CAMKK2: variants seen among roughly 807,000 people sequenced by gnomAD.
CAMKK2 encodes the protein calcium/calmodulin-dependent protein kinase kinase 2.
A neutral mutation model predicts 67.2 loss-of-function variants in CAMKK2; 30 were observed. The observed-to-expected ratio is 0.45, with a 90% CI of 0.33 to 0.61. CAMKK2 has a LOEUF of 0.61. Ranked by LOEUF, CAMKK2 falls within the 20% of genes least tolerant of loss-of-function variation. CAMKK2 has a pLI of 0.02. For missense variants in CAMKK2, 643 were observed against 802.0 expected, an observed-to-expected ratio of 0.80 and a Z score of 2.39; for synonymous variants, 322 against 326.2, an observed-to-expected ratio of 0.99 and a Z score of 0.14.
rs1389542711 is a variant in CAMKK2, at chr12:121,252,720, A to G, written c.1108-6T>C. On this transcript the variant is annotated splice_region_variant and splice_polypyrimidine_tract_variant and intron_variant, in intron 10 of 16. Coordinates refer to ENST00000404169, the MANE Select transcript of CAMKK2 (RefSeq NM_001270485.2). ...ATGGCCCAAACATCCAAGGCCTGCA[A>G]GAAAAAGAGCTTAGTGTGAGGGCAT... 5.0e-6 allele frequency: 8 copies of G among 1,614,038 alleles called. No individual in the cohort carries two copies. The highest frequency in any genetic ancestry group is 6.8e-6 in the Non-Finnish European group (8 of 1,179,980).
chr12:121,241,270 T>C (rs1218150274), intron 16 of CAMKK2, among the ~76,000 whole-genome samples: 1 of 152,198 alleles, frequency 6.6e-6, no homozygotes, highest in Non-Finnish European at 1.5e-5. Context: ...GAAGGGACTG[T>C]GACGCTTGTC....
Position 121,253,584 on chromosome 12 carries a change from C to A in CAMKK2, c.908-112G>T. 3 of 882,150 alleles carry A rather than the reference C, an allele frequency of 3.4e-6. No homozygotes were observed. The highest frequency in any genetic ancestry group is 2.8e-5 in the South Asian group (2 of 70,276). The allele number at this position is 882,150 out of a possible 1,614,324, so 54.6% of individuals were successfully genotyped here. On this transcript the variant is annotated intron_variant, in intron 9 of 16. Transcript: ENST00000404169. This position sits in a 1 kb window ranked among gnomAD's most constrained non-coding sequence, Gnocchi z 5.0. Reference sequence around the variant, plus strand: ...GCATGGCACCCCTCTGATGCCTTGTCTCCCACAGCCCCAGGCCTTTTCCAA... The same window carrying A: ...GCATGGCACCCCTCTGATGCCTTGTATCCCACAGCCCCAGGCCTTTTCCAA...
chr12:121,279,279 C>G (rs1463697917), intron 1 of CAMKK2, among the ~76,000 whole-genome samples: 1 of 152,174 alleles, frequency 6.6e-6, no homozygotes, highest in African/African-American at 2.4e-5. Flanking sequence ...GCTGGCAGGG[C>G]AAGCGTGAAA....
intron 2 of CAMKK2, among the ~76,000 whole-genome samples, chr12:121,273,430 G>A (rs1229341293): frequency 2.0e-5 from 3 of 152,110 alleles, no homozygotes; most frequent in Non-Finnish European, 4.4e-5. Flanking sequence ...ACAGGGCCCT[G>A]TGAACCCTGG....
At position 121,274,639 on chromosome 12, in the gene CAMKK2, A is replaced by G. The variant is rs1459253958; in HGVS notation, c.-59-54T>C. 3 of 703,768 alleles carry G rather than the reference A, an allele frequency of 4.3e-6. No homozygotes were observed. In the Admixed American group the frequency reaches 8.7e-5, roughly 20 times the overall value. The allele number at this position is 703,768 out of a possible 1,614,324, so 43.6% of individuals were successfully genotyped here. A position where few individuals can be genotyped will look rare whatever the true frequency, so the allele number is the denominator to read the frequency against. Reference sequence around the variant, plus strand: ...CAGCTCCTACGGGCAGGGACAGGAAAGGATCCCCTCTCCTCCTGGCCCAGG... The same window carrying G: ...CAGCTCCTACGGGCAGGGACAGGAAGGGATCCCCTCTCCTCCTGGCCCAGG... On this transcript the variant is annotated intron_variant, in intron 1 of 16. Transcript: ENST00000404169.
chr12:121,239,723 C>T lies in CAMKK2; in HGVS notation c.*976G>A, dbSNP rs202051070. ...AGCTGCTAATATATATACAGGCGGG[C>T]ATAGGTTTCATCGGCTCTAACTGAT... On this transcript the variant is annotated 3_prime_UTR_variant, in exon 17 of 17. Coordinates refer to ENST00000404169, the MANE Select transcript of CAMKK2 (RefSeq NM_001270485.2). 8 of 152,192 alleles carry T rather than the reference C, an allele frequency of 5.3e-5. No individual in the cohort carries two copies. The highest frequency in any genetic ancestry group is 1.9e-4 in the African/African-American group (8 of 41,446). 9.4% of individuals were successfully genotyped at this position (152,192 alleles called of 1,614,324 possible). A position where few individuals can be genotyped will look rare whatever the true frequency, so the allele number is the denominator to read the frequency against.
chr12:121,286,409 C>T (rs1898745565), intron 1 of CAMKK2, among the ~76,000 whole-genome samples: 1 of 152,238 alleles, frequency 6.6e-6, no homozygotes, highest in Non-Finnish European at 1.5e-5. Flanking sequence ...ACACAAGAAT[C>T]GCATTGCTGC....
intron 7 of CAMKK2, among the ~76,000 whole-genome samples, chr12:121,256,177 G>A (rs752300704): frequency 7.9e-5 from 12 of 152,198 alleles, no homozygotes; most frequent in South Asian, 2.1e-4. Flanking sequence ...TCAAGAGCTC[G>A]AGACCAGCCT....
chr12:121,239,470 T>G lies in CAMKK2; in HGVS notation c.*1229A>C, dbSNP rs1887996661. On this transcript the variant is annotated 3_prime_UTR_variant, in exon 17 of 17. Coordinates refer to ENST00000404169, the MANE Select transcript of CAMKK2 (RefSeq NM_001270485.2). ...CCTGGTTTCCTCATACCCCAACGAG[T>G]GCTGTGGGTTTCAACAGTCTTCTCT... The G allele has an allele frequency of 6.6e-6, 1 of 152,074 alleles. No homozygotes were observed. The highest frequency in any genetic ancestry group is 2.1e-4 in the South Asian group (1 of 4,826). 9.4% of individuals were successfully genotyped at this position (152,074 alleles called of 1,614,324 possible). A position where few individuals can be genotyped will look rare whatever the true frequency, so the allele number is the denominator to read the frequency against.
At chr12:121,270,820 G>C in intron 3 of CAMKK2, 78 bp downstream of exon 3, 1 of 1,180,036 alleles carries the variant, frequency 8.5e-7, no homozygotes, top group South Asian at 1.2e-5. Flanking sequence ...CCTGCTCCCA[G>C]CTTTACCCCG....
At chr12:121,280,724 G>C (rs905578551) in intron 1 of CAMKK2, among the ~76,000 whole-genome samples, 4 of 152,064 alleles carry the variant, frequency 2.6e-5, no homozygotes, top group African/African-American at 9.7e-5. Flanking sequence ...ATAGACTCCA[G>C]TCTCCCATAG....
At chr12:121,246,306 G>A (rs1305227445) in intron 14 of CAMKK2, among the ~76,000 whole-genome samples, 1 of 151,964 alleles carries the variant, frequency 6.6e-6, no homozygotes, top group Non-Finnish European at 1.5e-5. Context: ...AGCACTTTGG[G>A]AGGCTGAGGC....
chr12:121,249,656 GGCCCTGGGGC>G (rs1890239493), intron 13 of CAMKK2, 121 bp downstream of exon 13: 9 of 790,966 alleles, frequency 1.1e-5, no homozygotes, highest in Non-Finnish European at 2.0e-5. Context: ...GCAGCTCAGA[GGCCCTGGGGC>G]ATAGGAGAAC....
At chr12:121,280,863 C>G (rs976838674) in intron 1 of CAMKK2, among the ~76,000 whole-genome samples, 1 of 151,918 alleles carries the variant, frequency 6.6e-6, no homozygotes, top group African/African-American at 2.4e-5. Flanking sequence ...CAATGTTGCC[C>G]GAAACTTCAT....
intron 6 of CAMKK2, 90 bp from the exon 7 acceptor site, chr12:121,260,445 G>A (rs761769476): frequency 2.1e-5 from 26 of 1,245,864 alleles, no homozygotes; most frequent in African/African-American, 1.9e-4. Flanking sequence ...CAGCATCCAC[G>A]TGGCTGCGTT....
intron 1 of CAMKK2, among the ~76,000 whole-genome samples, chr12:121,284,522 A>C (rs1898367120): frequency 1.3e-5 from 2 of 152,080 alleles, no homozygotes; most frequent in Admixed American, 6.6e-5. Context: ...ACAGGGTTTC[A>C]CCATGTTGCC....
chr12:121,263,743 G>A (rs749234290), intron 6 of CAMKK2, 63 bp downstream of exon 6: 394 of 1,493,392 alleles, frequency 2.6e-4, no homozygotes, highest in Admixed American at 8.6e-4. Flanking sequence ...AACCAGTGGC[G>A]GGGTGTTTGG....
rs557293304 is a variant in CAMKK2, at chr12:121,255,231, T to A, written c.907+319A>T. ...TTATATATATAATTTTATATATATA[T>A]AATTTTATATATATATAATTATATA... is the stretch of plus-strand genomic sequence containing the variant. On this transcript the variant is annotated intron_variant, in intron 9 of 16. Coordinates refer to ENST00000404169, the MANE Select transcript of CAMKK2 (RefSeq NM_001270485.2). Among the ~76,000 whole-genome samples, 413 of 49,702 alleles carry A rather than the reference T, an allele frequency of 8.3e-3. 5 individuals are homozygous for A. The highest frequency in any genetic ancestry group is 0.013 in the Non-Finnish European group (313 of 24,738). The allele number at this position is 49,702 out of a possible 152,430, so 32.6% of individuals were successfully genotyped here.
Position 121,240,384 on chromosome 12 carries a change from A to C in CAMKK2, c.*315T>G. On this transcript the variant is annotated 3_prime_UTR_variant, in exon 17 of 17. Transcript: ENST00000404169. The surrounding 1 kb of genome is among the most constrained non-coding windows in gnomAD (Gnocchi z 4.4). ...CTTGGTATATCTGACGTGGTTCTGA[A>C]AATCACAATGAAGGATTTTTGGCAT... is the stretch of plus-strand genomic sequence containing the variant. 2 of 1,471,244 alleles carry C rather than the reference A, an allele frequency of 1.4e-6. No individual in the cohort carries two copies. Among genetic ancestry groups the C allele is most frequent in the South Asian group, 2.5e-5 (2 of 80,396 alleles). 91.1% of individuals were successfully genotyped at this position (1,471,244 alleles called of 1,614,324 possible). A position where few individuals can be genotyped will look rare whatever the true frequency, so the allele number is the denominator to read the frequency against.
Sources: gnomAD v4.1 joint callset for allele counts (sites outside exome capture counted in the v4.1 genomes callset) on GRCh38, gnomAD v4.1.1 for gene constraint, Gnocchi (gnomAD v3.1) non-coding constraint, MANE v1.5 for transcripts, NCBI Gene and HGNC (gene_info 2026-07-23, HGNC 2026-07-21) for gene names.